Variants in SH3GL3 observed in about 807,000 individuals in gnomAD.
SH3GL3 encodes the protein endophilin-A3.
In SH3GL3, 33 loss-of-function variants were observed where a neutral mutation model predicts 47.7. That is an observed-to-expected ratio of 0.69 (90% CI 0.52 to 0.92). SH3GL3 has a LOEUF of 0.92. Ranked by LOEUF, SH3GL3 falls within the 40% of genes least tolerant of loss-of-function variation. The probability of loss-of-function intolerance (pLI) is 0.00; values close to 1 mark genes in which losing one functional copy is unlikely to be tolerated. For synonymous variants in SH3GL3, 155 were observed against 148.8 expected, an observed-to-expected ratio of 1.04 and a Z score of -0.30; for missense variants, 363 against 417.8, an observed-to-expected ratio of 0.87 and a Z score of 1.14.
chr15:83,577,589 G>T (rs916087906), intron 6 of SH3GL3, among the ~76,000 whole-genome samples: 1 of 151,690 alleles, frequency 6.6e-6, no homozygotes, highest in Non-Finnish European at 1.5e-5. Context: ...TGGGAGTTTC[G>T]CCATGTTGCC....
chr15:83,628,235 A>G, the SH3GL3 span, among the ~76,000 whole-genome samples: 2 of 152,184 alleles, frequency 1.3e-5, no homozygotes, highest in East Asian at 1.9e-4. Context: ...CCTTATAGAA[A>G]CTAGAAGAAT....
At position 83,447,505 on chromosome 15, in the gene SH3GL3, C is replaced by T; in HGVS notation, c.-29C>T. ...CGCGTGGCCCAGCCGAGCCTTGAGA[C>T]CACCCCGCCCCTGCCGGTCGCAGTC... On this transcript the variant is annotated 5_prime_UTR_variant, in exon 1 of 9. Coordinates refer to ENST00000427482, the MANE Select transcript of SH3GL3 (RefSeq NM_003027.5). This position sits in a 1 kb window ranked among gnomAD's most constrained non-coding sequence, Gnocchi z 5.1. 1.3e-6 allele frequency: 2 copies of T among 1,492,380 alleles called. No homozygotes were observed. The highest frequency in any genetic ancestry group is 1.8e-6 in the Non-Finnish European group (2 of 1,118,798). 92.4% of individuals were successfully genotyped at this position (1,492,380 alleles called of 1,614,324 possible). A position where few individuals can be genotyped will look rare whatever the true frequency, so the allele number is the denominator to read the frequency against.
intron 1 of SH3GL3, among the ~76,000 whole-genome samples, chr15:83,467,330 A>G (rs1226643704): frequency 1.3e-5 from 2 of 152,206 alleles, no homozygotes; most frequent in Non-Finnish European, 2.9e-5. Context: ...ATCTTTGTCA[A>G]AATCAACTGA....
intron 1 of SH3GL3, among the ~76,000 whole-genome samples, chr15:83,457,995 C>T (rs577823345): frequency 1.2e-4 from 18 of 152,042 alleles, no homozygotes; most frequent in African/African-American, 3.4e-4. Flanking sequence ...TATTAACAAA[C>T]GGAATGTAAA....
intron 1 of SH3GL3, among the ~76,000 whole-genome samples, chr15:83,508,151 A>G (rs1469533382): frequency 6.6e-6 from 1 of 152,042 alleles, no homozygotes; most frequent in Non-Finnish European, 1.5e-5. Context: ...CATGTTGGCT[A>G]GGATGGTCTC....
intron 8 of SH3GL3, among the ~76,000 whole-genome samples, chr15:83,608,693 T>C (rs752630883): frequency 2.0e-5 from 3 of 152,032 alleles, no homozygotes; most frequent in Non-Finnish European, 2.9e-5. Flanking sequence ...TGAAAATGAA[T>C]TGGAACCAGA....
intron 1 of SH3GL3, among the ~76,000 whole-genome samples, chr15:83,546,144 G>A (rs770679821): frequency 2.0e-5 from 3 of 152,108 alleles, no homozygotes; most frequent in Non-Finnish European, 4.4e-5. Flanking sequence ...GGCCCAGGGT[G>A]GATCTAGAAA....
intron 1 of SH3GL3, among the ~76,000 whole-genome samples, chr15:83,536,172 A>T (rs2043893672): frequency 6.6e-6 from 1 of 152,140 alleles, no homozygotes; most frequent in Admixed American, 6.5e-5. Flanking sequence ...GTTGGAACCC[A>T]TTTTCCCAGA....
chr15:83,573,095 T>G (rs1194334958), intron 5 of SH3GL3, among the ~76,000 whole-genome samples: 1 of 152,234 alleles, frequency 6.6e-6, no homozygotes, highest in Non-Finnish European at 1.5e-5. Context: ...CTCAAGAAGA[T>G]CAATACCTAG....
At chr15:83,449,055 T>A (rs2039598776) in intron 1 of SH3GL3, among the ~76,000 whole-genome samples, 1 of 152,118 alleles carries the variant, frequency 6.6e-6, no homozygotes, top group African/African-American at 2.4e-5. Context: ...ATTTCCAGCC[T>A]AAGCGGAGAT....
chr15:83,513,758 G>T (rs867143877), intron 1 of SH3GL3, among the ~76,000 whole-genome samples: 66 of 152,138 alleles, frequency 4.3e-4, no homozygotes, highest in African/African-American at 1.5e-3. Flanking sequence ...TTTGCTGAAT[G>T]GAATTTTTTC....
At chr15:83,535,140 G>GT (rs373256944) in intron 1 of SH3GL3, among the ~76,000 whole-genome samples, 31 of 151,678 alleles carry the variant, frequency 2.0e-4, no homozygotes, top group African/African-American at 5.8e-4. Context: ...TAATTATACA[G>GT]TTTTTTTATT....
intron 6 of SH3GL3, 143 bp from the exon 7 acceptor site, chr15:83,586,840 G>A (rs2059967869): frequency 8.2e-6 from 4 of 488,948 alleles, no homozygotes; most frequent in Non-Finnish European, 1.1e-5. Flanking sequence ...ATTATACAGA[G>A]CTCCTACATG....
intron 1 of SH3GL3, among the ~76,000 whole-genome samples, chr15:83,469,040 T>G (rs1567244549): frequency 6.6e-6 from 1 of 152,134 alleles, no homozygotes; most frequent in Non-Finnish European, 1.5e-5. Context: ...TATCTGTTTT[T>G]TATCGAGTGA....
intron 1 of SH3GL3, among the ~76,000 whole-genome samples, chr15:83,475,144 T>C (rs1365026978): frequency 2.0e-5 from 3 of 150,916 alleles, no homozygotes; most frequent in African/African-American, 2.4e-5. Flanking sequence ...AATATAACTA[T>C]ATATAAAAAA....
At chr15:83,555,587 G>C (rs1229623480) in intron 1 of SH3GL3, among the ~76,000 whole-genome samples, 3 of 152,148 alleles carry the variant, frequency 2.0e-5, no homozygotes, top group Non-Finnish European at 2.9e-5. Context: ...AGAGCTGGAG[G>C]GGGTGGGGAT....
chr15:83,458,279 T>A (rs1357510106), intron 1 of SH3GL3, among the ~76,000 whole-genome samples: 4 of 152,218 alleles, frequency 2.6e-5, no homozygotes, highest in Non-Finnish European at 5.9e-5. Flanking sequence ...CAGTTCTAAC[T>A]ATTCTAGTTC....
chr15:83,588,444 A>C (rs1415470101), intron 7 of SH3GL3, among the ~76,000 whole-genome samples: 1 of 152,184 alleles, frequency 6.6e-6, no homozygotes, highest in Non-Finnish European at 1.5e-5. Flanking sequence ...CTTCTTCAAG[A>C]TGAATTTCAC....
intron 1 of SH3GL3, among the ~76,000 whole-genome samples, chr15:83,558,006 T>C (rs1162884354): frequency 6.6e-6 from 1 of 152,250 alleles, no homozygotes; most frequent in Non-Finnish European, 1.5e-5. Flanking sequence ...TAAATAGTAA[T>C]ACCGCATGTG....
Sources: allele counts gnomAD v4.1 joint callset (sites outside exome capture counted in the v4.1 genomes callset), GRCh38; gene constraint gnomAD v4.1.1; non-coding constraint Gnocchi (gnomAD v3.1); transcripts MANE v1.5; gene names NCBI Gene and HGNC (gene_info 2026-07-23, HGNC 2026-07-21).